PTPRM: variants seen among roughly 807,000 people sequenced by gnomAD.
PTPRM encodes the protein receptor-type tyrosine-protein phosphatase mu.
A neutral mutation model predicts 186.7 loss-of-function variants in PTPRM; 47 were observed. That is an observed-to-expected ratio of 0.25 (90% CI 0.20 to 0.32). The LOEUF (loss-of-function observed/expected upper bound fraction) is 0.32, where lower values mean the gene tolerates loss of function less well. Ranked by LOEUF, PTPRM falls within the 10% of genes least tolerant of loss-of-function variation. PTPRM has a pLI of 1.00. For missense variants in PTPRM, 1,494 were observed against 1,865.0 expected (o/e 0.80, Z 3.66); for synonymous variants, 668 against 674.9 (o/e 0.99, Z 0.16).
intron 7 of PTPRM, among the ~76,000 whole-genome samples, chr18:8,063,536 T>C (rs1357146367): frequency 6.6e-6 from 1 of 152,178 alleles, no homozygotes; most frequent in Non-Finnish European, 1.5e-5. Flanking sequence ...CATGTTATCA[T>C]TATTAAGTGC....
chr18:7,645,424 G>A (rs2038538302), intron 1 of PTPRM, among the ~76,000 whole-genome samples: 1 of 152,144 alleles, frequency 6.6e-6, no homozygotes, highest in South Asian at 2.1e-4. Flanking sequence ...TGTCAAAATG[G>A]TAAAGCTTTA....
intron 3 of PTPRM, among the ~76,000 whole-genome samples, chr18:7,889,816 G>T (rs1447500777): frequency 1.3e-5 from 2 of 152,328 alleles, no homozygotes; most frequent in East Asian, 1.9e-4. Context: ...CAGGAAGAAA[G>T]TACCAGATGT....
chr18:7,580,846 CTG>C (rs1567965757), intron 1 of PTPRM, among the ~76,000 whole-genome samples: 1 of 152,172 alleles, frequency 6.6e-6, no homozygotes, highest in African/African-American at 2.4e-5. Flanking sequence ...TGCCATCCTC[CTG>C]TATTGAAGTG....
At chr18:7,755,858 G>A (rs1292926485) in intron 1 of PTPRM, among the ~76,000 whole-genome samples, 1 of 152,230 alleles carries the variant, frequency 6.6e-6, no homozygotes, top group Admixed American at 6.5e-5. Flanking sequence ...CTGAGAGGCT[G>A]CTGTGGTCAT....
intron 2 of PTPRM, among the ~76,000 whole-genome samples, chr18:7,850,965 A>C (rs1487103947): frequency 1.3e-5 from 2 of 152,240 alleles, no homozygotes; most frequent in Admixed American, 1.3e-4. Flanking sequence ...GGAGTTTAAT[A>C]TAACAATGAT....
intron 1 of PTPRM, among the ~76,000 whole-genome samples, chr18:7,752,076 C>T (rs1482174527): frequency 2.0e-5 from 3 of 152,196 alleles, no homozygotes; most frequent in African/African-American, 7.2e-5. Flanking sequence ...ATTTACCAAG[C>T]GTAATGACAC....
At chr18:8,137,202 G>A (rs1444806534) in intron 13 of PTPRM, among the ~76,000 whole-genome samples, 3 of 152,170 alleles carry the variant, frequency 2.0e-5, no homozygotes, top group South Asian at 2.1e-4. Flanking sequence ...ACTGTCCTTA[G>A]CCCCTTTTTT....
chr18:7,611,243 A>T (rs1264199114), intron 1 of PTPRM, among the ~76,000 whole-genome samples: 1 of 152,232 alleles, frequency 6.6e-6, no homozygotes, highest in Non-Finnish European at 1.5e-5. Flanking sequence ...GCTAAGGTTA[A>T]CTTATTAAAG....
At chr18:7,913,995 T>G (rs193215797) in intron 4 of PTPRM, among the ~76,000 whole-genome samples, 15 of 152,298 alleles carry the variant, frequency 9.8e-5, no homozygotes, top group African/African-American at 3.4e-4. Context: ...TATTCTTATT[T>G]TTTAAAATAG....
intron 19 of PTPRM, among the ~76,000 whole-genome samples, chr18:8,254,216 G>A (rs111356227): frequency 0.015 from 2,332 of 152,278 alleles, 57 homozygotes; most frequent in African/African-American, 0.053. Flanking sequence ...GTGGGCAGCT[G>A]TCAGGGACAT....
intron 14 of PTPRM, among the ~76,000 whole-genome samples, chr18:8,211,646 G>A (rs527533939): frequency 1.7e-4 from 26 of 151,826 alleles, no homozygotes; most frequent in African/African-American, 5.3e-4. Flanking sequence ...CTCGTGATCC[G>A]CCTGCCTCGC....
intron 1 of PTPRM, among the ~76,000 whole-genome samples, chr18:7,756,911 C>T (rs2041521932): frequency 6.6e-6 from 1 of 152,158 alleles, no homozygotes; most frequent in Non-Finnish European, 1.5e-5. Context: ...GTAATAGTCT[C>T]CTTCCTGCCC....
chr18:7,867,010 C>A (rs528523440), intron 2 of PTPRM, among the ~76,000 whole-genome samples: 1 of 152,072 alleles, frequency 6.6e-6, no homozygotes, highest in South Asian at 2.1e-4. Flanking sequence ...GGATTGCAAC[C>A]CCTGCTTTTT....
chr18:7,740,693 T>TA (rs2040868154), intron 1 of PTPRM, among the ~76,000 whole-genome samples: 3 of 152,308 alleles, frequency 2.0e-5, no homozygotes, highest in African/African-American at 7.2e-5. Flanking sequence ...ATGTTGGAAT[T>TA]ACAGTTGTGA....
chr18:7,809,861 T>G (rs891465664), intron 2 of PTPRM, among the ~76,000 whole-genome samples: 1 of 152,000 alleles, frequency 6.6e-6, no homozygotes, highest in Non-Finnish European at 1.5e-5. Context: ...TTAAAAAGGG[T>G]TGGGAACAGA....
chr18:7,941,414 G>T (rs771368919), intron 5 of PTPRM, among the ~76,000 whole-genome samples: 11 of 152,210 alleles, frequency 7.2e-5, no homozygotes, highest in Non-Finnish European at 1.5e-4. Flanking sequence ...ATGTTTTAAT[G>T]ATGAAGATGA....
At chr18:7,768,721 A>T (rs953208313) in intron 1 of PTPRM, among the ~76,000 whole-genome samples, 3 of 150,516 alleles carry the variant, frequency 2.0e-5, no homozygotes. Flanking sequence ...ATCTTGGCTC[A>T]CTGCAACCTC....
chr18:7,865,817 GT>G (rs879619304), intron 2 of PTPRM, among the ~76,000 whole-genome samples: 1 of 151,704 alleles, frequency 6.6e-6, no homozygotes, highest in African/African-American at 2.4e-5. Context: ...TGGTCCTGGA[GT>G]TTTTTTTGGT....
chr18:8,293,028 C>G (rs553438153), intron 19 of PTPRM, among the ~76,000 whole-genome samples: 2 of 152,106 alleles, frequency 1.3e-5, no homozygotes, highest in African/African-American at 4.8e-5. Context: ...TCTCATGTCC[C>G]TCAGCTGTAA....
Sources: gnomAD v4.1 joint callset for allele counts (sites outside exome capture counted in the v4.1 genomes callset) on GRCh38, gnomAD v4.1.1 for gene constraint, MANE v1.5 for transcripts, NCBI Gene and HGNC (gene_info 2026-07-23, HGNC 2026-07-21) for gene names.